Variants in PPP1R9A observed in about 807,000 individuals in gnomAD.
The protein encoded by PPP1R9A is neurabin-1.
A neutral mutation model predicts 141.9 loss-of-function variants in PPP1R9A; 59 were observed. The observed-to-expected ratio is 0.42, with a 90% confidence interval of 0.34 to 0.52. The LOEUF (loss-of-function observed/expected upper bound fraction) is 0.52. Ranked by LOEUF, PPP1R9A falls within the 20% of genes least tolerant of loss-of-function variation. The pLI, the probability that PPP1R9A is intolerant of heterozygous loss-of-function variation, is 0.10. For synonymous variants in PPP1R9A, 500 were observed against 569.7 expected (o/e 0.88, Z 1.74); for missense variants, 1,444 against 1,611.9 (o/e 0.90, Z 1.78).
rs148250525 is a variant in PPP1R9A, at chr7:95,165,291, C to T, written c.1754+3320C>T. ...ACTTTTTAGGCTAGGTTATAAAAGG[C>T]ACTGTGGCTTTCATCCTGCTCTTTT... is the stretch of plus-strand genomic sequence containing the variant. On this transcript the variant is annotated intron_variant, in intron 5 of 19. Coordinates refer to ENST00000433360, the MANE Select transcript of PPP1R9A (RefSeq NM_001166160.2). 5.9e-5 allele frequency among the ~76,000 whole-genome samples: 9 copies of T among 152,316 alleles called. No homozygotes were observed. The East Asian group carries it at 1.7e-3, about 29-fold the overall frequency.
intron 2 of PPP1R9A, among the ~76,000 whole-genome samples, chr7:95,075,377 C>CT (rs1427969713): frequency 6.6e-6 from 1 of 152,120 alleles, no homozygotes; most frequent in Non-Finnish European, 1.5e-5. Context: ...CTTCTGCCCT[C>CT]TTAAGTTCAG....
intron 2 of PPP1R9A, among the ~76,000 whole-genome samples, chr7:95,044,734 T>A (rs1307309607): frequency 2.7e-5 from 4 of 146,178 alleles, no homozygotes; most frequent in Non-Finnish European, 6.0e-5. Context: ...ATATATATAA[T>A]ATATATATAT....
At chr7:95,207,629 T>C (rs1527722) in intron 7 of PPP1R9A, among the ~76,000 whole-genome samples, 12,316 of 152,206 alleles carry the variant, frequency 0.081, 1,236 homozygotes, top group African/African-American at 0.23. Flanking sequence ...ATATTTGACA[T>C]TGTACTGGAA....
chr7:94,968,751 A>G (rs1798532367), intron 2 of PPP1R9A, among the ~76,000 whole-genome samples: 1 of 151,950 alleles, frequency 6.6e-6, no homozygotes, highest in South Asian at 2.1e-4. Flanking sequence ...GCTTGGTTCC[A>G]TTCTCCCTGT....
At chr7:95,263,194 C>G (rs1015494157) in intron 12 of PPP1R9A, among the ~76,000 whole-genome samples, 2 of 151,996 alleles carry the variant, frequency 1.3e-5, no homozygotes, top group East Asian at 1.9e-4. Context: ...AATTAAGGTG[C>G]CTTTAAGAGA....
At chr7:94,965,573 G>A (rs1225214211) in intron 2 of PPP1R9A, among the ~76,000 whole-genome samples, 3 of 152,152 alleles carry the variant, frequency 2.0e-5, no homozygotes, top group Non-Finnish European at 2.9e-5. Flanking sequence ...TTATTAAATA[G>A]GGAATCCATT....
chr7:95,062,028 A>G (rs1405303244), intron 2 of PPP1R9A, among the ~76,000 whole-genome samples: 1 of 152,208 alleles, frequency 6.6e-6, no homozygotes, highest in Non-Finnish European at 1.5e-5. Context: ...GTAATTGAGG[A>G]GAATTTCTTT....
chr7:95,127,831 G>A (rs1823845345), intron 4 of PPP1R9A, among the ~76,000 whole-genome samples: 1 of 152,118 alleles, frequency 6.6e-6, no homozygotes, highest in Non-Finnish European at 1.5e-5. Flanking sequence ...CATCCTTGTT[G>A]CTGTGAAGGA....
intron 6 of PPP1R9A, among the ~76,000 whole-genome samples, chr7:95,198,720 G>A (rs1429251552): frequency 6.6e-6 from 1 of 152,116 alleles, no homozygotes; most frequent in East Asian, 1.9e-4. Context: ...CTTATCTTTT[G>A]CACTATTATA....
intron 7 of PPP1R9A, among the ~76,000 whole-genome samples, chr7:95,220,994 A>G (rs189358645): frequency 6.6e-6 from 1 of 152,198 alleles, no homozygotes; most frequent in East Asian, 1.9e-4. Context: ...TATATAGAGG[A>G]AAGGAAAAGT....
At chr7:95,201,379 G>T (rs1227019535) in intron 6 of PPP1R9A, among the ~76,000 whole-genome samples, 1 of 151,846 alleles carries the variant, frequency 6.6e-6, no homozygotes, top group African/African-American at 2.4e-5. Context: ...TCCCTTTCTT[G>T]TATGTTACAC....
At chr7:95,026,080 G>GT (rs1806792616) in intron 2 of PPP1R9A, among the ~76,000 whole-genome samples, 1 of 152,168 alleles carries the variant, frequency 6.6e-6, no homozygotes, top group Admixed American at 6.5e-5. Flanking sequence ...ATTTCTGTCA[G>GT]TTTGTCAAAC....
At chr7:94,927,543 A>C (rs545827675) in intron 2 of PPP1R9A, among the ~76,000 whole-genome samples, 2 of 152,320 alleles carry the variant, frequency 1.3e-5, no homozygotes, top group South Asian at 4.1e-4. Context: ...TTTATAAATA[A>C]GTGGTTATGC....
intron 2 of PPP1R9A, among the ~76,000 whole-genome samples, chr7:95,055,044 G>T (rs1198303422): frequency 6.6e-6 from 1 of 152,176 alleles, no homozygotes; most frequent in East Asian, 1.9e-4. Flanking sequence ...AGGAGGGAGA[G>T]AAATCTATGT....
chr7:95,202,039 A>C (rs1283308138), intron 6 of PPP1R9A, among the ~76,000 whole-genome samples: 1 of 152,202 alleles, frequency 6.6e-6, no homozygotes, highest in East Asian at 1.9e-4. Context: ...CATTCACTAC[A>C]TGGAAAACAT....
intron 5 of PPP1R9A, among the ~76,000 whole-genome samples, chr7:95,181,213 T>TATAGAATATAC (rs1833700922): frequency 6.9e-6 from 1 of 144,284 alleles, no homozygotes; most frequent in South Asian, 2.1e-4. Flanking sequence ...ATAGAATATA[T>TATAGAATATAC]AGAGAAAATA....
chr7:94,959,173 A>G (rs1421483196), intron 2 of PPP1R9A, among the ~76,000 whole-genome samples: 1 of 151,898 alleles, frequency 6.6e-6, no homozygotes, highest in Non-Finnish European at 1.5e-5. Context: ...GTTACTCGGT[A>G]TTTAATAACT....
At chr7:95,038,015 G>A (rs1323469040) in intron 2 of PPP1R9A, among the ~76,000 whole-genome samples, 1 of 151,898 alleles carries the variant, frequency 6.6e-6, no homozygotes, top group Non-Finnish European at 1.5e-5. Context: ...AGAAGGCTGA[G>A]GTAGGAAGAT....
intron 2 of PPP1R9A, among the ~76,000 whole-genome samples, chr7:95,059,877 G>A (rs1811991114): frequency 1.3e-5 from 2 of 152,042 alleles, no homozygotes; most frequent in African/African-American, 4.8e-5. Context: ...TTTTGCTTTC[G>A]TTTTGCAAGA....
Sources: allele counts gnomAD v4.1 joint callset (sites outside exome capture counted in the v4.1 genomes callset), GRCh38; gene constraint gnomAD v4.1.1; transcripts MANE v1.5; gene names NCBI Gene and HGNC (gene_info 2026-07-23, HGNC 2026-07-21).